The following ACYP2 variants were observed in gnomAD, a reference collection of about 807,000 sequenced individuals.
ACYP2 encodes the protein acylphosphatase-2.
In ACYP2, 12 loss-of-function variants were observed where a neutral mutation model predicts 11.2. The ratio of observed to expected loss-of-function variants is 1.08; its 90% CI spans 0.69 to 1.74. ACYP2 has a LOEUF of 1.74. Ranked by LOEUF, ACYP2 falls within the 40% of genes most tolerant of loss-of-function variation. The pLI is 0.00. For synonymous variants in ACYP2, 43 were observed against 32.2 expected, an observed-to-expected ratio of 1.33 and a Z score of -1.13; for missense variants, 134 against 101.9, an observed-to-expected ratio of 1.31 and a Z score of -1.35.
intron 6 of ACYP2, chr2:54,142,711 A>G (rs1681675138): frequency 6.6e-6 from 1 of 152,188 alleles, no homozygotes; most frequent in Non-Finnish European, 1.5e-5. Context: ...CAATGGGAGT[A>G]GCCTGTCCCA....
intron 6 of ACYP2, among the ~76,000 whole-genome samples, chr2:54,193,300 A>T (rs1162859952): frequency 1.3e-5 from 2 of 152,232 alleles, no homozygotes; most frequent in Non-Finnish European, 2.9e-5. Context: ...TTACCACATT[A>T]ATATCTTTAT....
intron 2 of ACYP2, among the ~76,000 whole-genome samples, chr2:53,981,061 A>AT (rs1430546062): frequency 2.0e-5 from 3 of 152,056 alleles, no homozygotes; most frequent in Admixed American, 1.3e-4. Flanking sequence ...CAGATGTACC[A>AT]TTTTTTATCT....
chr2:54,122,638 T>G (rs545561451), intron 4 of ACYP2, among the ~76,000 whole-genome samples: 1 of 152,364 alleles, frequency 6.6e-6, no homozygotes, highest in Non-Finnish European at 1.5e-5. Flanking sequence ...CTTTTCTTTC[T>G]ATATAGATAT....
intron 2 of ACYP2, among the ~76,000 whole-genome samples, chr2:54,010,398 T>C (rs1410645091): frequency 6.6e-6 from 1 of 151,924 alleles, no homozygotes; most frequent in Non-Finnish European, 1.5e-5. Flanking sequence ...ATAGGAGAAT[T>C]GCTTGAACCC....
intron 6 of ACYP2, among the ~76,000 whole-genome samples, chr2:54,164,206 G>T (rs1409626487): frequency 6.6e-6 from 1 of 152,178 alleles, no homozygotes; most frequent in Non-Finnish European, 1.5e-5. Context: ...GATGGCATGG[G>T]TCAGGGTGAA....
chr2:54,024,775 T>C (rs1471683718), intron 2 of ACYP2, among the ~76,000 whole-genome samples: 3 of 152,156 alleles, frequency 2.0e-5, no homozygotes, highest in Non-Finnish European at 2.9e-5. Context: ...GGGCATCCAA[T>C]TGGTAAAAAG....
intron 6 of ACYP2, among the ~76,000 whole-genome samples, chr2:54,265,861 C>A (rs1687994302): frequency 6.6e-6 from 1 of 152,182 alleles, no homozygotes; most frequent in Non-Finnish European, 1.5e-5. Flanking sequence ...AAGAGCGAAG[C>A]TTAGCATATA....
At chr2:53,982,828 C>CTCTG (rs375187346) in intron 2 of ACYP2, among the ~76,000 whole-genome samples, 153 of 140,612 alleles carry the variant, frequency 1.1e-3, no homozygotes, top group African/African-American at 3.6e-3. Context: ...TCACACAAGA[C>CTCTG]TGTGTGTGTG....
chr2:54,115,480 C>G lies in ACYP2; in HGVS notation c.278-19973C>G, dbSNP rs147956638. On this transcript the variant is annotated intron_variant, in intron 4 of 6. Transcript: ENST00000607452. ...GAGGCCTAGGATGCCTGGGGCCCAGCGGCCTCTTCCCTCCTGGCGTCCCCG... is the reference window on the plus strand; with the variant it reads ...GAGGCCTAGGATGCCTGGGGCCCAGGGGCCTCTTCCCTCCTGGCGTCCCCG... 291 of 1,285,286 alleles carry G rather than the reference C, an allele frequency of 2.3e-4. 2 individuals carry two copies. The African/African-American group carries it at 4.2e-3, about 18-fold the overall frequency. The allele number at this position is 1,285,286 out of a possible 1,614,324, so 79.6% of individuals were successfully genotyped here.
chr2:54,153,263 G>GA (rs35174995), intron 6 of ACYP2, among the ~76,000 whole-genome samples: 42 of 149,958 alleles, frequency 2.8e-4, no homozygotes, highest in Non-Finnish European at 5.6e-4. Context: ...GGAACCTTTG[G>GA]AAAAAAAAAA....
intron 6 of ACYP2, among the ~76,000 whole-genome samples, chr2:54,197,942 A>ATGATTG (rs1354658076): frequency 4.3e-5 from 3 of 69,512 alleles, no homozygotes; most frequent in Non-Finnish European, 6.5e-5. Context: ...TGTATGTATT[A>ATGATTG]TATTGTATTG....
At chr2:54,260,615 G>A (rs1383448600) in intron 6 of ACYP2, among the ~76,000 whole-genome samples, 1 of 152,190 alleles carries the variant, frequency 6.6e-6, no homozygotes, top group African/African-American at 2.4e-5. Flanking sequence ...AAGATTCAGG[G>A]TACTGAAGGT....
At chr2:53,984,668 A>T (rs936807748) in intron 2 of ACYP2, among the ~76,000 whole-genome samples, 1 of 150,920 alleles carries the variant, frequency 6.6e-6, no homozygotes, top group Non-Finnish European at 1.5e-5. Flanking sequence ...TGTAGTATGT[A>T]TATAAAATAC....
intron 4 of ACYP2, among the ~76,000 whole-genome samples, chr2:54,134,351 G>A (rs781638564): frequency 5.3e-5 from 8 of 152,054 alleles, no homozygotes; most frequent in Non-Finnish European, 4.4e-5. Flanking sequence ...TGAGGCTTCA[G>A]AAGCCAAGTT....
At chr2:54,211,439 G>T (rs1479217389) in intron 6 of ACYP2, among the ~76,000 whole-genome samples, 1 of 152,124 alleles carries the variant, frequency 6.6e-6, no homozygotes, top group Non-Finnish European at 1.5e-5. Flanking sequence ...TATTTTAAGA[G>T]AAAAACCTAA....
In ACYP2 at chr2:54,300,508, G is replaced by A. The variant is rs112686740; in HGVS notation, c.405-4180G>A. On this transcript the variant is annotated intron_variant, in intron 6 of 6. Transcript: ENST00000607452. ...ATAAAGACCAGCCCTCTCACCTTGAGACAACTGTGAAGGGTCTTCCCAGTT... is the reference window on the plus strand; with the variant it reads ...ATAAAGACCAGCCCTCTCACCTTGAAACAACTGTGAAGGGTCTTCCCAGTT... Among the ~76,000 whole-genome samples the A allele has an allele frequency of 4.5e-3, 692 of 152,308 alleles. 7 individuals are homozygous for A. The highest frequency in any genetic ancestry group is 0.016 in the African/African-American group (665 of 41,576).
At chr2:54,255,579 G>GGGCCCA (rs751318047) in intron 6 of ACYP2, 80 of 1,497,994 alleles carry the variant, frequency 5.3e-5, no homozygotes, top group Non-Finnish European at 7.0e-5. Context: ...GCCCGGGCCC[G>GGGCCCA]GGCCCAGGCC....
At chr2:54,020,194 C>T (rs1399071644) in intron 2 of ACYP2, among the ~76,000 whole-genome samples, 1 of 152,104 alleles carries the variant, frequency 6.6e-6, no homozygotes, top group Non-Finnish European at 1.5e-5. Context: ...GTCTCAGCCT[C>T]CCAAAGTGCT....
intron 4 of ACYP2, among the ~76,000 whole-genome samples, chr2:54,098,261 A>G (rs1678703067): frequency 6.6e-6 from 1 of 152,132 alleles, no homozygotes; most frequent in Admixed American, 6.5e-5. Context: ...GAGCCACTGC[A>G]CCTGGCCACA....
Sources: allele counts gnomAD v4.1 joint callset (sites outside exome capture counted in the v4.1 genomes callset), GRCh38; gene constraint gnomAD v4.1.1; transcripts MANE v1.5; gene names NCBI Gene and HGNC (gene_info 2026-07-23, HGNC 2026-07-21).